Variants in GAL3ST2 observed in about 807,000 individuals in gnomAD.
GAL3ST2 encodes galactose-3-O-sulfotransferase 2, also known as beta-galactose-3-O-sulfotransferase 2.
GAL3ST2 carries 16 observed loss-of-function variants against 12.9 expected under a neutral mutation model. That is an observed-to-expected ratio of 1.24 (90% CI 0.84 to 1.88). The LOEUF is 1.88. Ranked by LOEUF, GAL3ST2 falls within the 40% of genes most tolerant of loss-of-function variation. The pLI is 0.00. For missense variants in GAL3ST2, 639 were observed against 571.8 expected (o/e 1.12, Z -1.20); for synonymous variants, 302 against 273.9 (o/e 1.10, Z -1.01).
chr2:241,785,041 T>G (rs900534437), intron 1 of GAL3ST2, among the ~76,000 whole-genome samples: 2 of 152,248 alleles, frequency 1.3e-5, no homozygotes, highest in African/African-American at 2.4e-5. Context: ...ACCTGAGCTC[T>G]GGGCAGAGCC....
chr2:241,792,127 C>T (rs1003865724), intron 1 of GAL3ST2, among the ~76,000 whole-genome samples: 3 of 151,606 alleles, frequency 2.0e-5, no homozygotes, highest in African/African-American at 7.3e-5. Context: ...AATTCTCCTC[C>T]CTCAGCCTCC....
rs1699496354 is a variant in GAL3ST2 at position 241,776,982 on chromosome 2, G to A, written c.27G>A (p.Gln9=). Residue 9 remains glutamine (Q), a splice_region_variant and synonymous_variant, in exon 1 of 4, where the codon CAG becomes CAA. Transcript: ENST00000192314. The part of the protein sequence containing the change: MMSMLGGL[Q]RYFRVILLLL... ...TGATGTCCATGCTGGGCGGCTTGCA[G>A]AGGTAAGGGGGGCAGTTGGACCCCC... 1 of 1,543,944 alleles carries A rather than the reference G, an allele frequency of 6.5e-7. No individual in the cohort carries two copies. Among genetic ancestry groups the A allele is most frequent in the Non-Finnish European group, 8.8e-7 (1 of 1,139,748 alleles).
Position 241,802,670 on chromosome 2 carries a change from A to G in GAL3ST2, c.375+634A>G, listed in dbSNP as rs1575369052. On this transcript the variant is annotated intron_variant, in intron 3 of 3. Coordinates refer to ENST00000192314, the MANE Select transcript of GAL3ST2 (RefSeq NM_022134.3). This position sits in a 1 kb window ranked among gnomAD's most constrained non-coding sequence, Gnocchi z 4.8. ...GGAGGAGGGGCCGGGAGGAGGGGAA[A>G]GGAAGAGGGTGGGGGCAGGGAGGAG... Among the ~76,000 whole-genome samples, 1 of 107,448 alleles carries G rather than the reference A, an allele frequency of 9.3e-6. No individual in the cohort carries two copies. The highest frequency in any genetic ancestry group is 1.9e-5 in the Non-Finnish European group (1 of 52,334). The allele number at this position is 107,448 out of a possible 152,430, so 70.5% of individuals were successfully genotyped here.
chr2:241,803,626 G>A lies in GAL3ST2; in HGVS notation c.657G>A (p.Arg219=). Residue 219 remains arginine, a synonymous_variant, in exon 4 of 4, where the codon CGG becomes CGA. Coordinates refer to ENST00000192314, the MANE Select transcript of GAL3ST2 (RefSeq NM_022134.3). ...YVRARIAEVE[R]RFRLVLIAEH... ...GCGCGCGCATCGCCGAGGTGGAGCG[G>A]CGCTTCCGGCTGGTGCTCATCGCCG... is the stretch of plus-strand genomic sequence containing the variant. 1 of 1,555,448 alleles carries A rather than the reference G, an allele frequency of 6.4e-7. No individual in the cohort carries two copies. Among genetic ancestry groups the A allele is most frequent in the South Asian group, 1.2e-5 (1 of 84,940 alleles).
Position 241,793,779 on chromosome 2 carries a change from TTGTG to T in GAL3ST2, c.30-5276_30-5273del, listed in dbSNP as rs547289987. On this transcript the variant is annotated intron_variant, in intron 1 of 3. Coordinates refer to ENST00000192314, the MANE Select transcript of GAL3ST2 (RefSeq NM_022134.3). The surrounding 1 kb of genome is among the most constrained non-coding windows in gnomAD (Gnocchi z 4.7). ...ATTGTGTATGTGTAGTGTGTATTAT[TTGTG>T]TGTGTGTGTATTGTGTGTGTATGTT... is the stretch of plus-strand genomic sequence containing the variant. Among the ~76,000 whole-genome samples, 39 of 151,442 alleles carry T rather than the reference TTGTG, an allele frequency of 2.6e-4. No homozygotes were observed. The highest frequency in any genetic ancestry group is 1.9e-3 in the East Asian group (10 of 5,154).
chr2:241,789,672 A>G (rs1351555247), intron 1 of GAL3ST2, among the ~76,000 whole-genome samples: 1 of 152,188 alleles, frequency 6.6e-6, no homozygotes, highest in Non-Finnish European at 1.5e-5. Flanking sequence ...ACATGAGGTT[A>G]GGAGTTCAAG....
rs910213342 is a variant in GAL3ST2 at position 241,793,500 on chromosome 2, ATG to A, written c.30-5557_30-5556del. Among the ~76,000 whole-genome samples, 45 of 151,266 alleles carry A rather than the reference ATG, an allele frequency of 3.0e-4. No individual in the cohort carries two copies. Among genetic ancestry groups the A allele is most frequent in the Non-Finnish European group, 4.1e-4 (28 of 67,880 alleles). On this transcript the variant is annotated intron_variant, in intron 1 of 3. Transcript: ENST00000192314. The surrounding 1 kb of genome is among the most constrained non-coding windows in gnomAD (Gnocchi z 4.7). ...TGTGTATTATATGTACATATTGTGT[ATG>A]TGTGTGTATATGTATGTGTGTATTG... is the stretch of plus-strand genomic sequence containing the variant.
In GAL3ST2 at chr2:241,795,070, C is replaced by CTA. The variant is rs1559416230; in HGVS notation, c.30-3995_30-3994insTA. 6.6e-6 allele frequency among the ~76,000 whole-genome samples: 1 copy of CTA among 152,016 alleles called. No individual in the cohort carries two copies. The highest frequency in any genetic ancestry group is 1.5e-5 in the Non-Finnish European group (1 of 68,016). On this transcript the variant is annotated intron_variant, in intron 1 of 3. Coordinates refer to ENST00000192314, the MANE Select transcript of GAL3ST2 (RefSeq NM_022134.3). The surrounding 1 kb of genome is among the most constrained non-coding windows in gnomAD (Gnocchi z 4.5). ...AATGTGTAACAATGTGTAACTCCTG[C>CTA]GTGTAAGGACAGAAACACCATCTCT... is the stretch of plus-strand genomic sequence containing the variant.
At position 241,803,863 on chromosome 2, in the gene GAL3ST2, G is replaced by A. The variant is rs1020929900; in HGVS notation, c.894G>A (p.Leu298=). 1.4e-6 allele frequency: 2 copies of A among 1,435,698 alleles called. No individual in the cohort carries two copies. Among genetic ancestry groups the A allele is most frequent in the African/African-American group, 3.0e-5 (2 of 66,212 alleles). 88.9% of individuals were successfully genotyped at this position (1,435,698 alleles called of 1,614,324 possible). ...RTLWAQLRAE[L]GPRRLRGEVE... ...TCTGGGCGCAGCTGCGCGCCGAGCT[G>A]GGGCCGCGGCGGCTGCGCGGGGAGG... Residue 298 remains leucine, a synonymous_variant, in exon 4 of 4, where the codon CTG becomes CTA. Coordinates refer to ENST00000192314, the MANE Select transcript of GAL3ST2 (RefSeq NM_022134.3).
intron 1 of GAL3ST2, among the ~76,000 whole-genome samples, chr2:241,787,101 T>C (rs1473216107): frequency 6.6e-6 from 1 of 152,210 alleles, no homozygotes; most frequent in African/African-American, 2.4e-5. Flanking sequence ...CCTTCCCTGC[T>C]TCAAGTTGTC....
chr2:241,803,460 C>T lies in GAL3ST2; in HGVS notation c.491C>T (p.Ala164Val), dbSNP rs62620233. The change falls in exon 4 of 4, where the codon GCC (alanine) becomes GTC (valine). Residue 164 changes from alanine to valine, a missense_variant. Coordinates refer to ENST00000192314, the MANE Select transcript of GAL3ST2 (RefSeq NM_022134.3). ...YKTYAPAFRG[A>V]PSLDAFLASP... ...ACCTACGCCCCCGCCTTCCGGGGCG[C>T]CCCGAGCCTGGACGCGTTCCTGGCC... is the stretch of plus-strand genomic sequence containing the variant. 0.11 allele frequency: 177,684 copies of T among 1,611,166 alleles called. 10,834 individuals carry two copies. The highest frequency in any genetic ancestry group is 0.21 in the East Asian group (9,302 of 44,814).
At chr2:241,790,644 A>G (rs1699683955) in intron 1 of GAL3ST2, among the ~76,000 whole-genome samples, 2 of 152,242 alleles carry the variant, frequency 1.3e-5, no homozygotes, top group Admixed American at 1.3e-4. Context: ...GGAAGAAAAT[A>G]ACAATGTTTT....
At chr2:241,786,606 A>G (rs962453568) in intron 1 of GAL3ST2, among the ~76,000 whole-genome samples, 12 of 152,200 alleles carry the variant, frequency 7.9e-5, no homozygotes, top group African/African-American at 2.9e-4. Flanking sequence ...GGAAGCAAGT[A>G]AAACTCCAAA....
rs1337075650 is a variant in GAL3ST2 at position 241,800,845 on chromosome 2, G to A, written c.120-936G>A. On this transcript the variant is annotated intron_variant, in intron 2 of 3. Coordinates refer to ENST00000192314, the MANE Select transcript of GAL3ST2 (RefSeq NM_022134.3). This position sits in a 1 kb window ranked among gnomAD's most constrained non-coding sequence, Gnocchi z 5.2. ...GGTAGAACATAAATAAGTGCAGCGT[G>A]TGTGACTTCGCCCCTGCCCGGCATG... is the stretch of plus-strand genomic sequence containing the variant. 2 of 152,216 alleles carry A rather than the reference G, an allele frequency of 1.3e-5. No individual in the cohort carries two copies. The highest frequency in any genetic ancestry group is 2.9e-5 in the Non-Finnish European group (2 of 68,046). The allele number at this position is 152,216 out of a possible 1,614,324, so 9.4% of individuals were successfully genotyped here.
intron 1 of GAL3ST2, among the ~76,000 whole-genome samples, chr2:241,782,418 T>C (rs950335495): frequency 2.0e-5 from 3 of 152,136 alleles, no homozygotes; most frequent in Non-Finnish European, 4.4e-5. Context: ...CTCCACCTCC[T>C]GGGTTCAAGC....
At chr2:241,799,005 G>T in intron 1 of GAL3ST2, 60 bp from the exon 2 acceptor site, 1 of 1,348,278 alleles carries the variant, frequency 7.4e-7, no homozygotes, top group Non-Finnish European at 1.1e-6. Context: ...TGCAGGATGG[G>T]AGGTGGGGGT....
intron 1 of GAL3ST2, among the ~76,000 whole-genome samples, chr2:241,778,936 G>A (rs540084115): frequency 6.4e-4 from 97 of 151,720 alleles, no homozygotes; most frequent in African/African-American, 1.3e-3. Context: ...AGTCAGATAC[G>A]CATTTATCTC....
intron 1 of GAL3ST2, among the ~76,000 whole-genome samples, chr2:241,791,935 C>G (rs1355926847): frequency 6.6e-6 from 1 of 151,466 alleles, no homozygotes; most frequent in African/African-American, 2.4e-5. Context: ...GGCTACAAGT[C>G]TTCAAAATAA....
intron 1 of GAL3ST2, among the ~76,000 whole-genome samples, chr2:241,782,328 T>G (rs1020828500): frequency 3.3e-5 from 5 of 151,810 alleles, no homozygotes; most frequent in African/African-American, 1.2e-4. Flanking sequence ...TATTTTATTT[T>G]TATTTATTTA....
Sources: gnomAD v4.1 joint callset for allele counts (sites outside exome capture counted in the v4.1 genomes callset) on GRCh38, gnomAD v4.1.1 for gene constraint, Gnocchi (gnomAD v3.1) non-coding constraint, MANE v1.5 for transcripts, NCBI Gene and HGNC (gene_info 2026-07-23, HGNC 2026-07-21) for gene names.